The following FANCD2 variants were observed in gnomAD, a reference collection of about 807,000 sequenced individuals.
FANCD2 encodes Fanconi anemia group D2 protein.
A neutral mutation model predicts 192.3 loss-of-function variants in FANCD2; 131 were observed. That is an observed-to-expected ratio of 0.68 (90% CI 0.59 to 0.79). The LOEUF (loss-of-function observed/expected upper bound fraction) is 0.79. Ranked by LOEUF, FANCD2 falls within the 30% of genes least tolerant of loss-of-function variation. FANCD2 has a pLI of 0.00. For missense variants in FANCD2, 1,508 were observed against 1,701.6 expected, an observed-to-expected ratio of 0.89 and a Z score of 2.00; for synonymous variants, 524 against 612.5, an observed-to-expected ratio of 0.86 and a Z score of 2.13.
In FANCD2 at chr3:10,081,431, G is replaced by C; in HGVS notation, c.3191G>C (p.Arg1064Thr). The C allele has an allele frequency of 6.2e-7, 1 of 1,614,064 alleles. No homozygotes were observed. The highest frequency in any genetic ancestry group is 1.3e-5 in the African/African-American group (1 of 75,048). The change falls in exon 32 of 44, where the codon AGG becomes ACG. Residue 1064 changes from arginine to threonine, a missense_variant. Arg to Thr is a moderately conservative substitution (Grantham distance 71, BLOSUM62 -1). This residue lies in a region of FANCD2 where 796 missense variants were observed against 879.4 expected (regional missense o/e 0.91). Transcript: ENST00000675286. Reference protein sequence around the residue: ...EYHIMSSCYQRLLQIFHGLFA... With the variant: ...EYHIMSSCYQTLLQIFHGLFA... ...CACATAATGTCTTCCTGCTATCAGA[G>C]GCTGCTGCAGATTTTTCATGGGCTT...
At chr3:10,045,743 A>G (rs932724501) in intron 14 of FANCD2, 1 of 151,406 alleles carries the variant, frequency 6.6e-6, no homozygotes, top group African/African-American at 2.4e-5. Flanking sequence ...GTGGGATTAC[A>G]GGTGTGTGCT....
Position 10,062,162 on chromosome 3 carries a change from C to T in FANCD2, c.1778C>T (p.Pro593Leu), listed in dbSNP as rs2125029541. 1 of 1,611,582 alleles carries T rather than the reference C, an allele frequency of 6.2e-7. No individual in the cohort carries two copies. The highest frequency in any genetic ancestry group is 8.5e-7 in the Non-Finnish European group (1 of 1,178,764). ...GIMAADRSESPSLTQERANLS... is the reference protein window; with the variant it reads ...GIMAADRSESLSLTQERANLS... ...TTCTTTGTTTTTAGAAGTGAATCAC[C>T]TAGTTTGACCCAAGAGAGAGCCAAC... The change falls in exon 20 of 44, where the codon CCT becomes CTT. Residue 593 changes from proline to leucine, a missense_variant. Around this residue, in one of 5 missense-constraint regions of FANCD2, gnomAD observed 110 missense variants for 114.4 expected, o/e 0.96. Transcript: ENST00000675286.
At chr3:10,064,264 A>C in intron 21 of FANCD2, 92 bp from the exon 22 acceptor site, 1 of 905,634 alleles carries the variant, frequency 1.1e-6, no homozygotes, top group Non-Finnish European at 1.9e-6. Context: ...GAAATGAGGG[A>C]ACTGAGACTT....
intron 20 of FANCD2, 98 bp downstream of exon 20, chr3:10,062,309 C>A: frequency 1.1e-6 from 1 of 915,424 alleles, no homozygotes; most frequent in Non-Finnish European, 1.7e-6. Context: ...GGCAAGATCT[C>A]GGCTCACTGC....
chr3:10,048,158 C>G lies in FANCD2; in HGVS notation c.1413+107C>G, dbSNP rs1217551879. On this transcript the variant is annotated intron_variant, in intron 16 of 43. Coordinates refer to ENST00000675286, the MANE Select transcript of FANCD2 (RefSeq NM_001018115.3). The stretch of plus-strand genomic sequence containing the variant: ...TCACTGAAGGGGAAGGAACTCTGAC[C>G]TGGGTCTCAAGAAAGCTCAATTCTA... The G allele has an allele frequency of 2.7e-6, 4 of 1,464,908 alleles. No homozygotes were observed. In the Middle Eastern group the frequency reaches 5.7e-4, roughly 208 times the overall value. 90.7% of individuals were successfully genotyped at this position (1,464,908 alleles called of 1,614,324 possible).
chr3:10,034,614 G>A, intron 4 of FANCD2, 78 bp downstream of exon 4: 1 of 1,498,796 alleles, frequency 6.7e-7, no homozygotes, highest in Admixed American at 1.7e-5. Flanking sequence ...CTGGTATAAA[G>A]TTGAGTGGGC....
In FANCD2 at chr3:10,095,252, A is replaced by C. The variant is rs1559408827; in HGVS notation, c.4016A>C (p.His1339Pro). Residue 1339 changes from histidine to proline, a missense_variant, in exon 41 of 44, where the codon CAT becomes CCT. This residue lies in a region of FANCD2 where 796 missense variants were observed against 879.4 expected (regional missense o/e 0.91). Transcript: ENST00000675286. ...ETFQLDTRLL[H>P]HLCGHSKIHQ... ...TTCCAGTTGGACACAAGGCTGCTTC[A>C]TCACCTGTGTGGGCATTCCAAGGTA... The C allele has an allele frequency of 6.2e-7, 1 of 1,614,150 alleles. No individual in the cohort carries two copies.
intron 17 of FANCD2, among the ~76,000 whole-genome samples, chr3:10,050,907 G>C (rs2087182339): frequency 6.6e-6 from 1 of 151,198 alleles, no homozygotes; most frequent in South Asian, 2.1e-4. Flanking sequence ...CCAACATGGA[G>C]AAAGCCCTCC....
At position 10,028,701 on chromosome 3, in the gene FANCD2, G is replaced by A. The variant is rs2086517762; in HGVS notation, c.44G>A (p.Ser15Asn). The A allele has an allele frequency of 6.2e-7, 1 of 1,614,084 alleles. No individual in the cohort carries two copies. The highest frequency in any genetic ancestry group is 8.5e-7 in the Non-Finnish European group (1 of 1,179,950). Residue 15 changes from serine (S) to asparagine (N), a missense_variant, in exon 2 of 44, where the codon AGC becomes AAC. Physicochemically the swap from Ser to Asn is conservative, Grantham distance 46. This residue lies in a region of FANCD2 where 435 missense variants were observed against 421.9 expected (regional missense o/e 1.03). Coordinates refer to ENST00000675286, the MANE Select transcript of FANCD2 (RefSeq NM_001018115.3). ...CTGTCAAAATCTGAGGATAAAGAGA[G>A]CCTGACAGAAGATGCCTCCAGTAAG... ...RRLSKSEDKE[S>N]LTEDASKTRK... is the part of the protein sequence containing the mutation.
chr3:10,027,627 G>A (rs1160943057), intron 1 of FANCD2, among the ~76,000 whole-genome samples: 2 of 152,132 alleles, frequency 1.3e-5, no homozygotes, highest in Non-Finnish European at 1.5e-5. Context: ...TCTTCAGGCC[G>A]GGCGCGGTTG....
At chr3:10,067,448 G>A in intron 26 of FANCD2, 131 bp downstream of exon 26, 1 of 663,266 alleles carries the variant, frequency 1.5e-6, no homozygotes, top group Non-Finnish European at 2.7e-6. Context: ...TATCCCTGAT[G>A]AACATTGATA....
chr3:10,066,366 ATC>A (rs1242395791), intron 25 of FANCD2, among the ~76,000 whole-genome samples: 1 of 152,184 alleles, frequency 6.6e-6, no homozygotes, highest in Non-Finnish European at 1.5e-5. Flanking sequence ...AACATCTTAT[ATC>A]TCTACCTCAC....
chr3:10,028,881 G>A (rs1222678857), intron 2 of FANCD2, among the ~76,000 whole-genome samples, 160 bp downstream of exon 2: 1 of 152,182 alleles, frequency 6.6e-6, no homozygotes, highest in Non-Finnish European at 1.5e-5. Flanking sequence ...CTGAGTTTTT[G>A]CCTCGAATTC....
chr3:10,076,355 C>T (rs575935226), intron 29 of FANCD2, among the ~76,000 whole-genome samples: 6 of 151,300 alleles, frequency 4.0e-5, no homozygotes, highest in East Asian at 3.9e-4. Flanking sequence ...ATTTAGGAAA[C>T]GCATCTTGGA....
At chr3:10,094,899 G>A in intron 40 of FANCD2, 1 of 428,234 alleles carries the variant, frequency 2.3e-6, no homozygotes, top group Non-Finnish European at 4.4e-6. Context: ...CCCTGAAAGA[G>A]AAAGGGAAGG....
At chr3:10,092,773 G>C (rs1694729592) in intron 38 of FANCD2, among the ~76,000 whole-genome samples, 1 of 141,228 alleles carries the variant, frequency 7.1e-6, no homozygotes, top group South Asian at 2.3e-4. Context: ...GCTCACTGCA[G>C]CCTCAACCTC....
At chr3:10,059,762 C>T (rs981259692) in intron 18 of FANCD2, among the ~76,000 whole-genome samples, 12 of 151,362 alleles carry the variant, frequency 7.9e-5, no homozygotes, top group African/African-American at 1.9e-4. Context: ...GCCAAGATGG[C>T]GCCACTGCAC....
At chr3:10,077,278 T>G (rs57631744) in intron 29 of FANCD2, among the ~76,000 whole-genome samples, 20,241 of 152,088 alleles carry the variant, frequency 0.13, 2,226 homozygotes, top group African/African-American at 0.31. Flanking sequence ...TTTACCCTGC[T>G]GGGCGCAGTG....
At chr3:10,071,472 G>T (rs986036217) in intron 26 of FANCD2, among the ~76,000 whole-genome samples, 1 of 152,158 alleles carries the variant, frequency 6.6e-6, no homozygotes, top group Non-Finnish European at 1.5e-5. Flanking sequence ...TGGATAAAAT[G>T]TGGTCCGTAT....
Sources: gnomAD v4.1 joint callset for allele counts (sites outside exome capture counted in the v4.1 genomes callset) on GRCh38, gnomAD v4.1.1 for gene constraint, gnomAD v4.1.1 regional missense constraint, MANE v1.5 for transcripts, NCBI Gene and HGNC (gene_info 2026-07-23, HGNC 2026-07-21) for gene names.